The following KCNH4 variants were observed in gnomAD, a reference collection of about 807,000 sequenced individuals.
KCNH4 encodes potassium voltage-gated channel subfamily H member 4.
KCNH4 carries 33 observed loss-of-function variants against 90.7 expected under a neutral mutation model. The ratio of observed to expected loss-of-function variants is 0.36; its 90% CI spans 0.28 to 0.49. The LOEUF (loss-of-function observed/expected upper bound fraction) is 0.49. Among genes scored for constraint, KCNH4 ranks in the 20% least tolerant of loss-of-function variants. KCNH4 has a pLI of 0.98. For missense variants in KCNH4, 1,044 were observed against 1,387.1 expected (o/e 0.75, Z 3.93); for synonymous variants, 551 against 581.7 (o/e 0.95, Z 0.76).
chr17:42,173,693 CTTTTTTTTTTTTTT>C (rs532100884), intron 6 of KCNH4, among the ~76,000 whole-genome samples: 10 of 66,268 alleles, frequency 1.5e-4, no homozygotes, highest in African/African-American at 3.3e-4. Flanking sequence ...CGATCTGGTT[CTTTTTTTTTTTTTT>C]TTTTTTTTTT....
chr17:42,163,791 C>T lies in KCNH4; in HGVS notation c.2292G>A (p.Glu764=). The part of the protein sequence containing the change: ...PRGSLVSLLG[E]ELPPFSALVS... ...CAAGGGCTGAGAATGGGGGCAGCTCCTCGCCCAAAAGGCTGACCAGGGAGC... is the reference window on the plus strand; with the variant it reads ...CAAGGGCTGAGAATGGGGGCAGCTCTTCGCCCAAAAGGCTGACCAGGGAGC... Residue 764 remains glutamate (E), a synonymous_variant, in exon 13 of 17, where the codon GAG becomes GAA. Transcript: ENST00000264661. The surrounding 1 kb of genome is among the most constrained non-coding windows in gnomAD (Gnocchi z 5.4). 1.9e-6 allele frequency: 3 copies of T among 1,544,594 alleles called. No homozygotes were observed. Among genetic ancestry groups the T allele is most frequent in the Middle Eastern group, 4.2e-4 (2 of 4,728 alleles).
chr17:42,181,029 G>C lies in KCNH4; in HGVS notation c.-84C>G. 7.8e-7 allele frequency: 1 copy of C among 1,276,814 alleles called. No homozygotes were observed. Among genetic ancestry groups the C allele is most frequent in the Non-Finnish European group, 1.1e-6 (1 of 914,278 alleles). The allele number at this position is 1,276,814 out of a possible 1,614,324, so 79.1% of individuals were successfully genotyped here. On this transcript the variant is annotated 5_prime_UTR_variant, in exon 1 of 17. Transcript: ENST00000264661. The stretch of plus-strand genomic sequence containing the variant: ...GAGGGGGCGCGCTGTCGGAGGGGCC[G>C]GGGCGCCCCATGCGCCCTCCTGCCT...
At chr17:42,178,062 G>A in intron 4 of KCNH4, 38 bp downstream of exon 4, 2 of 1,597,956 alleles carry the variant, frequency 1.3e-6, no homozygotes, top group Non-Finnish European at 1.7e-6. Flanking sequence ...ATCAAGGCTG[G>A]AGGACTTGGG....
chr17:42,171,735 G>C, intron 7 of KCNH4, 53 bp downstream of exon 7: 2 of 1,547,602 alleles, frequency 1.3e-6, no homozygotes, highest in African/African-American at 2.7e-5. Flanking sequence ...CATCAGCTTG[G>C]GGATGGGACA....
At position 42,176,249 on chromosome 17, in the gene KCNH4, C is replaced by T. The variant is rs1220484000; in HGVS notation, c.634G>A (p.Val212Met). ...AGGAGGAGGCAGCGAGACCCCCCCA[C>T]GGAGGCCACCTTGTACTCGGGCACT... ...PSVPEYKVAS[V>M]GGSRCLLLHY... The change falls in exon 5 of 17, where the codon GTG becomes ATG. Residue 212 changes from valine to methionine, a missense_variant. Val to Met is a conservative substitution (Grantham distance 21). Coordinates refer to ENST00000264661, the MANE Select transcript of KCNH4 (RefSeq NM_012285.3). 3.7e-6 allele frequency: 6 copies of T among 1,613,202 alleles called. No homozygotes were observed. Among genetic ancestry groups the T allele is most frequent in the Admixed American group, 1.7e-5 (1 of 59,920 alleles).
Position 42,165,556 on chromosome 17 carries a change from G to T in KCNH4, c.1978C>A (p.Arg660=), listed in dbSNP as rs79383250. The T allele has an allele frequency of 9.3e-6, 15 of 1,614,144 alleles. No homozygotes were observed. Among genetic ancestry groups the T allele is most frequent in the Non-Finnish European group, 1.3e-5 (15 of 1,180,028 alleles). The change falls in exon 11 of 17, where the codon CGA becomes AGA. Residue 660 remains arginine (R), a synonymous_variant. Coordinates refer to ENST00000264661, the MANE Select transcript of KCNH4 (RefSeq NM_012285.3). ...TYCGLQQLSS[R]GLAEVLRLYP... is the part of the protein sequence containing the mutation. ...AGCCTCAGGACCTCAGCCAGCCCTC[G>T]GCTGCTCAGCTGCTGCAGGCCACAG... is the stretch of plus-strand genomic sequence containing the variant.
At chr17:42,179,740 C>A (rs1383594640) in intron 1 of KCNH4, among the ~76,000 whole-genome samples, 2 of 152,242 alleles carry the variant, frequency 1.3e-5, no homozygotes, top group African/African-American at 2.4e-5. Context: ...AGAAGGTCCA[C>A]TTTTTAGCAT....
In KCNH4 at chr17:42,171,777, C is replaced by T. The variant is rs202070293; in HGVS notation, c.1195+11G>A. On this transcript the variant is annotated intron_variant, in intron 7 of 16. Transcript: ENST00000264661. Reference sequence around the variant, plus strand: ...CAGGTGGTCTGTGAAAGTTTGGGGTCGGTGGCTCACCAATGTCCCAGAGCA... The same window carrying T: ...CAGGTGGTCTGTGAAAGTTTGGGGTTGGTGGCTCACCAATGTCCCAGAGCA... 3.5e-4 allele frequency: 557 copies of T among 1,613,892 alleles called. No homozygotes were observed. Among genetic ancestry groups the T allele is most frequent in the Non-Finnish European group, 4.5e-4 (528 of 1,179,896 alleles).
In KCNH4 at chr17:42,161,944, ATC is replaced by A. The variant is rs201388235; in HGVS notation, c.2658+302_2658+303del. ...CCAAGGTCATCTAGCTAGCGTGAAT[ATC>A]TCTCTCTTTTTTTTTTTTTTTTTTT... On this transcript the variant is annotated intron_variant, in intron 15 of 16. Transcript: ENST00000264661. Among the ~76,000 whole-genome samples, 1,005 of 146,974 alleles carry A rather than the reference ATC, an allele frequency of 6.8e-3. 25 individuals carry two copies. Among genetic ancestry groups the A allele is most frequent in the African/African-American group, 0.011 (448 of 39,540 alleles).
Position 42,169,588 on chromosome 17 carries a change from C to T in KCNH4, c.1479G>A (p.Lys493=). The T allele has an allele frequency of 6.2e-7, 1 of 1,614,018 alleles. No individual in the cohort carries two copies. Among genetic ancestry groups the T allele is most frequent in the Non-Finnish European group, 8.5e-7 (1 of 1,180,006 alleles). Residue 493 remains lysine (K), a synonymous_variant, in exon 9 of 17, where the codon AAG becomes AAA. Coordinates refer to ENST00000264661, the MANE Select transcript of KCNH4 (RefSeq NM_012285.3). ...SRRSLYHSRM[K]DLKDFIRVHR... is the part of the protein sequence containing the mutation. ...GCACACGGATGAAGTCCTTGAGGTC[C>T]TTCATGCGGCTGTGGTAGAGCGAGC...
rs200331937 is a variant in KCNH4, at chr17:42,171,831, C to T, written c.1152G>A (p.Gly384=). 1 of 1,614,140 alleles carries T rather than the reference C, an allele frequency of 6.2e-7. No individual in the cohort carries two copies. The highest frequency in any genetic ancestry group is 1.3e-5 in the African/African-American group (1 of 75,020). Residue 384 remains glycine, a synonymous_variant, in exon 7 of 17, where the codon GGG becomes GGA. Transcript: ENST00000264661. Reference sequence around the variant, plus strand: ...GGTCATTGGCCTCCATCTCCCGGCGCCCGATGACATACCAGATGCAGGCCA... The same window carrying T: ...GGTCATTGGCCTCCATCTCCCGGCGTCCGATGACATACCAGATGCAGGCCA... ...HWMACIWYVI[G]RREMEANDPL... is the part of the protein sequence containing the mutation.
Position 42,175,458 on chromosome 17 carries a change from T to A in KCNH4, c.987+121A>T, listed in dbSNP as rs185184443. ...GGCTATGCCCAGAGCAGGTGCCTGA[T>A]AAATATCTGCAGATGGATTGATGGG... is the stretch of plus-strand genomic sequence containing the variant. On this transcript the variant is annotated intron_variant, in intron 6 of 16. Coordinates refer to ENST00000264661, the MANE Select transcript of KCNH4 (RefSeq NM_012285.3). 7.5e-5 allele frequency: 87 copies of A among 1,160,466 alleles called. No individual in the cohort carries two copies. The African/African-American group carries it at 1.2e-3, about 15-fold the overall frequency. 71.9% of individuals were successfully genotyped at this position (1,160,466 alleles called of 1,614,324 possible).
intron 9 of KCNH4, among the ~76,000 whole-genome samples, chr17:42,167,454 C>T (rs973572282): frequency 3.9e-5 from 6 of 152,128 alleles, no homozygotes; most frequent in South Asian, 2.1e-4. Flanking sequence ...TTAGTAGAGA[C>T]GGGGTTTCAC....
At chr17:42,157,292 G>A (rs575847665) in intron 16 of KCNH4, among the ~76,000 whole-genome samples, 174 bp from the exon 17 acceptor site, 1 of 152,302 alleles carries the variant, frequency 6.6e-6, no homozygotes, top group South Asian at 2.1e-4. Flanking sequence ...CAAATTGGAT[G>A]AGGCCCAGGA....
Position 42,165,661 on chromosome 17 carries a change from C to A in KCNH4, c.1873G>T (p.Glu625Ter). Residue 625 changes from glutamate to a stop codon, truncating the protein, a stop_gained, in exon 11 of 17, where the codon GAG (glutamate) becomes TAG (stop). Coordinates refer to ENST00000264661, the MANE Select transcript of KCNH4 (RefSeq NM_012285.3). LOFTEE classifies it high-confidence loss of function. The part of the protein sequence containing the change: ...KGDLIGADIP[E>*]PGQEPGLGAD... Reference sequence around the variant, plus strand: ...CCCAACCCAGGCTCCTGCCCCGGCTCAGGGATATCTGCTCCAATCAGGTCC... The same window carrying A: ...CCCAACCCAGGCTCCTGCCCCGGCTAAGGGATATCTGCTCCAATCAGGTCC... 1 of 1,614,160 alleles carries A rather than the reference C, an allele frequency of 6.2e-7. No homozygotes were observed. The highest frequency in any genetic ancestry group is 8.5e-7 in the Non-Finnish European group (1 of 1,180,030).
chr17:42,174,844 C>T (rs894769722), intron 6 of KCNH4, among the ~76,000 whole-genome samples: 8 of 152,148 alleles, frequency 5.3e-5, no homozygotes, highest in Non-Finnish European at 1.2e-4. Context: ...ACCCCACAGC[C>T]TCTACCTTCT....
Position 42,160,390 on chromosome 17 carries a change from G to T in KCNH4, c.2704C>A (p.Arg902=). 1.2e-6 allele frequency: 2 copies of T among 1,611,710 alleles called. No individual in the cohort carries two copies. Among genetic ancestry groups the T allele is most frequent in the Non-Finnish European group, 1.7e-6 (2 of 1,178,406 alleles). The change falls in exon 16 of 17, where the codon CGG becomes AGG. Residue 902 remains arginine (R), a synonymous_variant. Transcript: ENST00000264661. The stretch of plus-strand genomic sequence containing the variant: ...GCCTGCAGCAGGCCCATGATGTGCC[G>T]CAGCTCCCGGCTAAGCTGAGACACC... ...QEVSQLSREL[R]HIMGLLQARL... is the part of the protein sequence containing the mutation.
In KCNH4 at chr17:42,160,294, G is replaced by T; in HGVS notation, c.2800C>A (p.Pro934Thr). ...GACGCACAAGGAGAGAGGCATGGTG[G>T]CCTCAGCTGTGGACAAGGAGGGTCT... ...TPDPPCPQLR[P>T]PCLSPCASRP... is the part of the protein sequence containing the mutation. Residue 934 changes from proline (P) to threonine (T), a missense_variant, in exon 16 of 17, where the codon CCA becomes ACA. Pro to Thr is a conservative substitution (Grantham distance 38). Around this residue, in one of 4 missense-constraint regions of KCNH4, gnomAD observed 441 missense variants for 512.3 expected, o/e 0.86. Coordinates refer to ENST00000264661, the MANE Select transcript of KCNH4 (RefSeq NM_012285.3). The T allele has an allele frequency of 6.2e-7, 1 of 1,614,094 alleles. No homozygotes were observed. The highest frequency in any genetic ancestry group is 8.5e-7 in the Non-Finnish European group (1 of 1,179,984).
At chr17:42,168,441 C>T (rs578001773) in intron 9 of KCNH4, among the ~76,000 whole-genome samples, 2 of 152,094 alleles carry the variant, frequency 1.3e-5, no homozygotes, top group Admixed American at 1.3e-4. Flanking sequence ...GTCAAGAGTT[C>T]GAGACAAGCC....
Sources: gnomAD v4.1 joint callset for allele counts (sites outside exome capture counted in the v4.1 genomes callset) on GRCh38, gnomAD v4.1.1 for gene constraint, gnomAD v4.1.1 regional missense constraint, Gnocchi (gnomAD v3.1) non-coding constraint, MANE v1.5 for transcripts, NCBI Gene and HGNC (gene_info 2026-07-23, HGNC 2026-07-21) for gene names.